The following APOL1 variants were observed in gnomAD, a reference collection of about 807,000 sequenced individuals.
APOL1 encodes the protein apolipoprotein L 1.
APOL1 carries 17 observed loss-of-function variants against 14.9 expected under a neutral mutation model. The observed-to-expected ratio is 1.14, with a 90% CI of 0.78 to 1.71. The LOEUF is 1.71. APOL1 is among the 40% of genes most tolerant of loss of function. The probability of loss-of-function intolerance (pLI) is 0.00; values close to 1 mark genes in which losing one functional copy is unlikely to be tolerated. For synonymous variants in APOL1, 195 were observed against 184.8 expected (o/e 1.05, Z -0.45); for missense variants, 523 against 485.9 (o/e 1.08, Z -0.72).
intron 5 of APOL1, among the ~76,000 whole-genome samples, chr22:36,264,416 AG>A (rs2016167472): frequency 6.6e-6 from 1 of 152,172 alleles, no homozygotes; most frequent in African/African-American, 2.4e-5. Context: ...CTGAGGACAA[AG>A]GGAAGGCCTC....
rs12106505 is a variant in APOL1, at chr22:36,259,617, A to T, written c.188-1979A>T. The T allele has an allele frequency of 7.5e-3, 9,397 of 1,255,078 alleles. 646 individuals carry two copies. The African/African-American group carries it at 0.13, about 18-fold the overall frequency. 77.7% of individuals were successfully genotyped at this position (1,255,078 alleles called of 1,614,324 possible). ...TCCTTACGAAGGGCTGGGCTGGGGG[A>T]CTGAGGAAAAACTCTCCCCCCAAAA... On this transcript the variant is annotated intron_variant, in intron 4 of 5. Coordinates refer to ENST00000397278, the MANE Select transcript of APOL1 (RefSeq NM_003661.4).
intron 4 of APOL1, among the ~76,000 whole-genome samples, chr22:36,258,151 C>T (rs1463276660): frequency 6.6e-6 from 1 of 152,096 alleles, no homozygotes; most frequent in African/African-American, 2.4e-5. Context: ...CCACCCCGTC[C>T]CCCCCCAGCT....
chr22:36,267,053 C>T lies in APOL1; in HGVS notation c.*1020C>T, dbSNP rs1212565451. The T allele has an allele frequency of 6.6e-6, 1 of 152,320 alleles. No homozygotes were observed. Among genetic ancestry groups the T allele is most frequent in the Non-Finnish European group, 1.5e-5 (1 of 68,136 alleles). 9.4% of individuals were successfully genotyped at this position (152,320 alleles called of 1,614,324 possible). On this transcript the variant is annotated 3_prime_UTR_variant, in exon 6 of 6. Coordinates refer to ENST00000397278, the MANE Select transcript of APOL1 (RefSeq NM_003661.4). ...GGATACAGGAGAAGAAACAGCGGCT[C>T]CACTACAGACCCAGCCCCAGGTTCA... is the stretch of plus-strand genomic sequence containing the variant.
At chr22:36,255,814 C>T (rs1041564350) in intron 2 of APOL1, among the ~76,000 whole-genome samples, 5 of 150,878 alleles carry the variant, frequency 3.3e-5, no homozygotes, top group African/African-American at 1.2e-4. Context: ...TTGGAGCCGC[C>T]CCTAACTGGG....
At chr22:36,261,500 T>C in intron 4 of APOL1, 96 bp from the exon 5 acceptor site, 4 of 1,343,634 alleles carry the variant, frequency 3.0e-6, no homozygotes, top group Non-Finnish European at 4.2e-6. Flanking sequence ...ACATCACAGC[T>C]GTCCAGGAAA....
At position 36,266,847 on chromosome 22, in the gene APOL1, G is replaced by A; in HGVS notation, c.*814G>A. Reference sequence around the variant, plus strand: ...GTGAACCTGGGAGGTGGAGCTTGCAGTGAGCCGAGATATCGCCACTGCACT... The same window carrying A: ...GTGAACCTGGGAGGTGGAGCTTGCAATGAGCCGAGATATCGCCACTGCACT... On this transcript the variant is annotated 3_prime_UTR_variant, in exon 6 of 6. Coordinates refer to ENST00000397278, the MANE Select transcript of APOL1 (RefSeq NM_003661.4). 4.1e-6 allele frequency: 1 copy of A among 242,292 alleles called. No homozygotes were observed. The allele number at this position is 242,292 out of a possible 1,614,324, so 15.0% of individuals were successfully genotyped here.
rs1603482294 is a variant in APOL1 at position 36,266,639 on chromosome 22, C to T, written c.*606C>T. ...TATATTGGGGGGCCGGGTGTAGTGG[C>T]TCATGCCTGTAATCCGAGCACTTTG... On this transcript the variant is annotated 3_prime_UTR_variant, in exon 6 of 6. Coordinates refer to ENST00000397278, the MANE Select transcript of APOL1 (RefSeq NM_003661.4). The T allele has an allele frequency of 1.3e-5, 5 of 395,536 alleles. No individual in the cohort carries two copies. The highest frequency in any genetic ancestry group is 7.2e-5 in the East Asian group (2 of 27,920). 24.5% of individuals were successfully genotyped at this position (395,536 alleles called of 1,614,324 possible).
At chr22:36,265,125 T>C in intron 5 of APOL1, 26 bp from the exon 6 acceptor site, 1 of 1,611,864 alleles carries the variant, frequency 6.2e-7, no homozygotes, top group Non-Finnish European at 8.5e-7. Flanking sequence ...CTGCATTTCT[T>C]AATCCTTTAA....
intron 1 of APOL1, chr22:36,253,916 G>T (rs1293019881): frequency 1.2e-6 from 2 of 1,613,524 alleles, no homozygotes; most frequent in Non-Finnish European, 1.7e-6. Flanking sequence ...GAGTGAGAAG[G>T]GTGCGTTGCA....
rs978969141 is a variant in APOL1, at chr22:36,262,316, G to A, written c.314+594G>A. On this transcript the variant is annotated intron_variant, in intron 5 of 5. Coordinates refer to ENST00000397278, the MANE Select transcript of APOL1 (RefSeq NM_003661.4). ...GTCCAGGATGCCGAGAGGCTGGAGTGGAGTTGCACAGCGCTGGGTCTCTTT... is the reference window on the plus strand; with the variant it reads ...GTCCAGGATGCCGAGAGGCTGGAGTAGAGTTGCACAGCGCTGGGTCTCTTT... Among the ~76,000 whole-genome samples the A allele has an allele frequency of 1.3e-5, 2 of 152,192 alleles. 1 individual carries two copies. Among genetic ancestry groups the A allele is most frequent in the South Asian group, 4.1e-4 (2 of 4,832 alleles).
chr22:36,265,721 A>G lies in APOL1; in HGVS notation c.885A>G (p.Ser295=). ...GACGAGCCAGAGCCAATCTTCAGTC[A>G]GTACCGCATGCCTCAGCCTCACGCC... ...ALRRARANLQ[S]VPHASASRPR... Residue 295 remains serine (S), a synonymous_variant, in exon 6 of 6, where the codon TCA becomes TCG. Coordinates refer to ENST00000397278, the MANE Select transcript of APOL1 (RefSeq NM_003661.4). 6.2e-7 allele frequency: 1 copy of G among 1,613,680 alleles called. No individual in the cohort carries two copies. Among genetic ancestry groups the G allele is most frequent in the Non-Finnish European group, 8.5e-7 (1 of 1,179,716 alleles).
rs115228060 is a variant in APOL1, at chr22:36,260,831, C to G, written c.188-765C>G. ...AAATAACCCACAAAAACAATACTCACCCCTGCTACGCTTGGTACACTCTGA... is the reference window on the plus strand; with the variant it reads ...AAATAACCCACAAAAACAATACTCAGCCCTGCTACGCTTGGTACACTCTGA... On this transcript the variant is annotated intron_variant, in intron 4 of 5. Coordinates refer to ENST00000397278, the MANE Select transcript of APOL1 (RefSeq NM_003661.4). Among the ~76,000 whole-genome samples, 220 of 152,326 alleles carry G rather than the reference C, an allele frequency of 1.4e-3. 1 individual carries two copies. Among genetic ancestry groups the G allele is most frequent in the African/African-American group, 5.1e-3 (212 of 41,574 alleles).
Position 36,261,721 on chromosome 22 carries a change from A to G in APOL1, c.313A>G (p.Arg105Gly). The G allele has an allele frequency of 6.2e-7, 1 of 1,613,750 alleles. No homozygotes were observed. Among genetic ancestry groups the G allele is most frequent in the Non-Finnish European group, 8.5e-7 (1 of 1,179,718 alleles). The change falls in exon 5 of 6, where the codon AGG (arginine) becomes GGG (glycine). Residue 105 changes from arginine to glycine, a missense_variant and splice_region_variant. Arg to Gly is a moderately radical substitution (Grantham distance 125). Transcript: ENST00000397278. ...NGFVAAAELP[R>G]NEADELRKAL... ...ATTCGTGGCTGCTGCTGAACTGCCC[A>G]GGTAAGCTCCATGGGGTTACCTCCA...
At chr22:36,265,097 C>T (rs2016192141) in intron 5 of APOL1, 54 bp from the exon 6 acceptor site, 1 of 1,601,422 alleles carries the variant, frequency 6.2e-7, no homozygotes, top group African/African-American at 1.3e-5. Flanking sequence ...AGGTGTGAGC[C>T]ACCACACCGA....
At chr22:36,259,678 G>C (rs949454382) in intron 4 of APOL1, 1 of 1,297,996 alleles carries the variant, frequency 7.7e-7, no homozygotes, top group Non-Finnish European at 1.0e-6. Context: ...GGCCCAGCTG[G>C]GTCCAGAGGT....
intron 1 of APOL1, 117 bp from the exon 2 acceptor site, chr22:36,254,820 C>T: frequency 3.0e-6 from 4 of 1,346,504 alleles, no homozygotes; most frequent in Non-Finnish European, 4.2e-6. Context: ...CCTAGATCGC[C>T]CCACTGCACT....
intron 4 of APOL1, among the ~76,000 whole-genome samples, chr22:36,258,832 G>T (rs781171832): frequency 6.6e-6 from 1 of 152,142 alleles, no homozygotes; most frequent in Admixed American, 6.5e-5. Context: ...GGTGCGGGTG[G>T]GTGTGGGGTT....
At chr22:36,261,486 T>A in intron 4 of APOL1, 110 bp from the exon 5 acceptor site, 1 of 1,224,666 alleles carries the variant, frequency 8.2e-7, no homozygotes. Context: ...ATAAAACAAG[T>A]CCCACATCAC....
At chr22:36,257,552 A>C (rs997826085) in intron 4 of APOL1, 145 bp downstream of exon 4, 5 of 838,856 alleles carry the variant, frequency 6.0e-6, no homozygotes, top group Non-Finnish European at 2.0e-6. Context: ...GGTCACGTGG[A>C]GTCCCCCGAC....
Sources: allele counts gnomAD v4.1 joint callset (sites outside exome capture counted in the v4.1 genomes callset), GRCh38; gene constraint gnomAD v4.1.1; transcripts MANE v1.5; gene names NCBI Gene and HGNC (gene_info 2026-07-23, HGNC 2026-07-21).